SHROOM1: variants seen among roughly 807,000 people sequenced by gnomAD.
SHROOM1 encodes the protein shroom family member 1.
A neutral mutation model predicts 64.2 loss-of-function variants in SHROOM1; 53 were observed. That is an observed-to-expected ratio of 0.83 (90% CI 0.66 to 1.04). The LOEUF (loss-of-function observed/expected upper bound fraction) is 1.04, where lower values mean the gene tolerates loss of function less well. SHROOM1 is among the 50% of genes least tolerant of loss of function. The pLI is 0.00. For synonymous variants in SHROOM1, 490 were observed against 518.9 expected, an observed-to-expected ratio of 0.94 and a Z score of 0.76; for missense variants, 1,179 against 1,163.2, an observed-to-expected ratio of 1.01 and a Z score of -0.20.
chr5:132,827,365 C>T (rs546419041), intron 2 of SHROOM1, 96 bp downstream of exon 2: 1 of 152,478 alleles, frequency 6.6e-6, no homozygotes, highest in Non-Finnish European at 1.5e-5. Context: ...GCCTGTAATC[C>T]CAGCACTTTG....
At position 132,823,174 on chromosome 5, in the gene SHROOM1, C is replaced by T; in HGVS notation, c.2227-46G>A. 6.5e-7 allele frequency: 1 copy of T among 1,544,682 alleles called. No homozygotes were observed. The highest frequency in any genetic ancestry group is 8.7e-7 in the Non-Finnish European group (1 of 1,154,660). On this transcript the variant is annotated intron_variant, in intron 9 of 9. Coordinates refer to ENST00000378679, the MANE Select transcript of SHROOM1 (RefSeq NM_001172700.2). This position sits in a 1 kb window ranked among gnomAD's most constrained non-coding sequence, Gnocchi z 4.6. ...GCCGTGAGCCGGGTGAGGGCGCCGCCGCTCCCGGAATGGTTCCAGCCGGAG... is the reference window on the plus strand; with the variant it reads ...GCCGTGAGCCGGGTGAGGGCGCCGCTGCTCCCGGAATGGTTCCAGCCGGAG...
intron 1 of SHROOM1, among the ~76,000 whole-genome samples, chr5:132,828,976 T>C (rs1352541377): frequency 6.6e-6 from 1 of 152,218 alleles, no homozygotes; most frequent in African/African-American, 2.4e-5. Context: ...CCAGCCCCTG[T>C]GGCTGGGGGT....
Position 132,825,427 on chromosome 5 carries a change from C to T in SHROOM1, c.714G>A (p.Pro238=), listed in dbSNP as rs758837191. ...KLDRVGRGGG[P]ARECLGEACS... Reference sequence around the variant, plus strand: ...AGGCCTCACCCAGGCATTCCCGCGCCGGCCCACCGCCCCGACCCACACGAT... The same window carrying T: ...AGGCCTCACCCAGGCATTCCCGCGCTGGCCCACCGCCCCGACCCACACGAT... Residue 238 remains proline, a synonymous_variant, in exon 4 of 10, where the codon CCG becomes CCA. Coordinates refer to ENST00000378679, the MANE Select transcript of SHROOM1 (RefSeq NM_001172700.2). This position sits in a 1 kb window ranked among gnomAD's most constrained non-coding sequence, Gnocchi z 5.1. 16 of 1,592,114 alleles carry T rather than the reference C, an allele frequency of 1.0e-5. No homozygotes were observed. The highest frequency in any genetic ancestry group is 9.0e-5 in the East Asian group (4 of 44,558).
chr5:132,824,143 A>C lies in SHROOM1; in HGVS notation c.1518T>G (p.Asp506Glu). ...TATCATTGCCTGAAAGTCCCAAGGC[A>C]TCAGCTGGGACAGGTTTGAGGAGGT... ...ESDLLKPVPA[D>E]ALGLSGNDTP... The change falls in exon 7 of 10, where the codon GAT (aspartate) becomes GAG (glutamate). Residue 506 changes from aspartate to glutamate, a missense_variant. Asp to Glu is a conservative substitution (Grantham distance 45). Coordinates refer to ENST00000378679, the MANE Select transcript of SHROOM1 (RefSeq NM_001172700.2). 1 of 1,614,212 alleles carries C rather than the reference A, an allele frequency of 6.2e-7. No homozygotes were observed. The highest frequency in any genetic ancestry group is 8.5e-7 in the Non-Finnish European group (1 of 1,180,036).
Position 132,823,269 on chromosome 5 carries a change from T to A in SHROOM1, c.2207A>T (p.Asp736Val). 3.1e-6 allele frequency: 5 copies of A among 1,598,806 alleles called. No homozygotes were observed. Among genetic ancestry groups the A allele is most frequent in the Non-Finnish European group, 4.2e-6 (5 of 1,178,294 alleles). The change falls in exon 9 of 10, where the codon GAC becomes GTC. Residue 736 changes from aspartate to valine, a missense_variant. Asp to Val is a radical substitution (Grantham distance 152). Coordinates refer to ENST00000378679, the MANE Select transcript of SHROOM1 (RefSeq NM_001172700.2). The surrounding 1 kb of genome is among the most constrained non-coding windows in gnomAD (Gnocchi z 4.6). ...TTTTACCTGCTCATCAGGGTCGCTG[T>A]CTGAGGCCGCCCGGGCCAGGGCGCG... Reference protein sequence around the residue: ...VRRALARAASDSDPDEQASLL... With the variant: ...VRRALARAASVSDPDEQASLL...
chr5:132,825,928 G>T lies in SHROOM1; in HGVS notation c.213C>A (p.Gly71=), dbSNP rs1007067373. The T allele has an allele frequency of 8.0e-6, 11 of 1,380,880 alleles. No individual in the cohort carries two copies. Among genetic ancestry groups the T allele is most frequent in the Non-Finnish European group, 9.4e-6 (10 of 1,060,394 alleles). The allele number at this position is 1,380,880 out of a possible 1,614,324, so 85.5% of individuals were successfully genotyped here. Residue 71 remains glycine, a synonymous_variant, in exon 4 of 10, where the codon GGC becomes GGA. Coordinates refer to ENST00000378679, the MANE Select transcript of SHROOM1 (RefSeq NM_001172700.2). The surrounding 1 kb of genome is among the most constrained non-coding windows in gnomAD (Gnocchi z 5.1). ...DYVRVVWGGP[G]PAPPDAALCT... The stretch of plus-strand genomic sequence containing the variant: ...AAAGGGCAGCGTCGGGCGGGGCGGG[G>T]CCCGGGCCGCCCCAAACCACACGCA...
Position 132,824,807 on chromosome 5 carries a change from T to C in SHROOM1, c.1049A>G (p.Lys350Arg), listed in dbSNP as rs1159039050. The C allele has an allele frequency of 8.1e-6, 13 of 1,613,910 alleles. No homozygotes were observed. Among genetic ancestry groups the C allele is most frequent in the Non-Finnish European group, 1.1e-5 (13 of 1,180,022 alleles). ...QTKLSRFLPQ[K>R]EAAVMYPAEL... is the part of the protein sequence containing the mutation. The stretch of plus-strand genomic sequence containing the variant: ...TGCAGGATACATCACCGCAGCCTCT[T>C]TCTGAGGCAAGAACCTGGAGGCAGG... Residue 350 changes from lysine (K) to arginine (R), a missense_variant, in exon 6 of 10, where the codon AAA (lysine) becomes AGA (arginine). Physicochemically the swap from Lys to Arg is conservative, Grantham distance 26. Coordinates refer to ENST00000378679, the MANE Select transcript of SHROOM1 (RefSeq NM_001172700.2).
chr5:132,828,324 A>G (rs936222379), intron 1 of SHROOM1, among the ~76,000 whole-genome samples: 2 of 152,158 alleles, frequency 1.3e-5, no homozygotes, highest in African/African-American at 2.4e-5. Flanking sequence ...GAACATCTTG[A>G]TGTCACCCAC....
At chr5:132,827,424 G>A (rs952812895) in intron 2 of SHROOM1, 37 bp downstream of exon 2, 2 of 152,272 alleles carry the variant, frequency 1.3e-5, no homozygotes, top group Non-Finnish European at 2.9e-5. Flanking sequence ...AGAGCATCCT[G>A]GCCAACATCG....
At position 132,830,123 on chromosome 5, in the gene SHROOM1, G is replaced by T; in HGVS notation, c.-501+471C>A. 1 of 985,352 alleles carries T rather than the reference G, an allele frequency of 1.0e-6. No individual in the cohort carries two copies. The highest frequency in any genetic ancestry group is 1.2e-6 in the Non-Finnish European group (1 of 829,900). 61.0% of individuals were successfully genotyped at this position (985,352 alleles called of 1,614,324 possible). ...GCGGCAGAGACACGCGGAGCGGCTC[G>T]ACAGCAGATGGCCGCAGCCCCGCGC... On this transcript the variant is annotated intron_variant, in intron 1 of 9. Transcript: ENST00000378679. This position sits in a 1 kb window ranked among gnomAD's most constrained non-coding sequence, Gnocchi z 5.9.
At position 132,823,732 on chromosome 5, in the gene SHROOM1, G is replaced by T; in HGVS notation, c.1844C>A (p.Pro615Gln). 2 of 1,605,516 alleles carry T rather than the reference G, an allele frequency of 1.2e-6. No individual in the cohort carries two copies. The change falls in exon 8 of 10, where the codon CCG becomes CAG. Residue 615 changes from proline to glutamine, a missense_variant. Physicochemically the swap from Pro to Gln is moderately conservative, Grantham distance 76. Transcript: ENST00000378679. The surrounding 1 kb of genome is among the most constrained non-coding windows in gnomAD (Gnocchi z 4.6). ...SYQFSFTQLLPAPREETRLEN... is the reference protein window; with the variant it reads ...SYQFSFTQLLQAPREETRLEN... Reference sequence around the variant, plus strand: ...AAGCCTTGTCTCCTCCCGAGGAGCCGGCAGGAGCTGGGTGAAGCTGAACTG... The same window carrying T: ...AAGCCTTGTCTCCTCCCGAGGAGCCTGCAGGAGCTGGGTGAAGCTGAACTG...
chr5:132,828,464 C>G (rs1215277690), intron 1 of SHROOM1, among the ~76,000 whole-genome samples: 1 of 152,058 alleles, frequency 6.6e-6, no homozygotes, highest in Non-Finnish European at 1.5e-5. Context: ...GTAGCAGCTC[C>G]TGGGAGGACA....
chr5:132,823,989 C>A lies in SHROOM1; in HGVS notation c.1672G>T (p.Asp558Tyr), dbSNP rs774835802. 7.5e-6 allele frequency: 12 copies of A among 1,605,426 alleles called. No individual in the cohort carries two copies. The highest frequency in any genetic ancestry group is 8.5e-6 in the Non-Finnish European group (10 of 1,175,708). Residue 558 changes from aspartate to tyrosine, a missense_variant, in exon 7 of 10, where the codon GAC becomes TAC. Asp to Tyr is a radical substitution (Grantham distance 160, BLOSUM62 -3). Coordinates refer to ENST00000378679, the MANE Select transcript of SHROOM1 (RefSeq NM_001172700.2). The surrounding 1 kb of genome is among the most constrained non-coding windows in gnomAD (Gnocchi z 4.6). ...ELARLDPSLC[D>Y]PLASQPSPEP... The stretch of plus-strand genomic sequence containing the variant: ...GGGCTGGGCTGGGAAGCAAGAGGGT[C>A]ACATAGAGAGGGATCTAATCTGGCC...
intron 1 of SHROOM1, among the ~76,000 whole-genome samples, chr5:132,828,657 A>G (rs1287160874): frequency 6.6e-6 from 1 of 152,250 alleles, no homozygotes; most frequent in Admixed American, 6.5e-5. Context: ...TTGAAAATCT[A>G]TGAAAATCTA....
chr5:132,823,160 G>A lies in SHROOM1; in HGVS notation c.2227-32C>T, dbSNP rs772690495. ...CCGCAGGAAGAGGCGCCGTGAGCCG[G>A]GTGAGGGCGCCGCCGCTCCCGGAAT... On this transcript the variant is annotated intron_variant, in intron 9 of 9. Transcript: ENST00000378679. The surrounding 1 kb of genome is among the most constrained non-coding windows in gnomAD (Gnocchi z 4.6). The A allele has an allele frequency of 5.2e-6, 8 of 1,544,166 alleles. No individual in the cohort carries two copies. The highest frequency in any genetic ancestry group is 6.9e-6 in the Non-Finnish European group (8 of 1,154,310).
chr5:132,824,096 G>C lies in SHROOM1; in HGVS notation c.1565C>G (p.Thr522Ser). 1 of 1,614,036 alleles carries C rather than the reference G, an allele frequency of 6.2e-7. No individual in the cohort carries two copies. The highest frequency in any genetic ancestry group is 1.1e-5 in the South Asian group (1 of 91,050). The change falls in exon 7 of 10, where the codon ACT (threonine) becomes AGT (serine). Residue 522 changes from threonine to serine, a missense_variant. By Grantham distance (58) the Thr-to-Ser change is moderately conservative (BLOSUM62 1). Coordinates refer to ENST00000378679, the MANE Select transcript of SHROOM1 (RefSeq NM_001172700.2). ...GNDTPGPSHN[T>S]ALARGTGQPG... ...CTGGCCAGTGCCCCTGGCTAGGGCA[G>C]TATTGTGAGAGGGACCTGGAGTATC...
Position 132,830,004 on chromosome 5 carries a change from C to T in SHROOM1, c.-501+590G>A. On this transcript the variant is annotated intron_variant, in intron 1 of 9. Coordinates refer to ENST00000378679, the MANE Select transcript of SHROOM1 (RefSeq NM_001172700.2). This position sits in a 1 kb window ranked among gnomAD's most constrained non-coding sequence, Gnocchi z 5.9. ...GCTGGCGACACCCGGGGAGAGGCGG[C>T]CGCGGGCGTGGACAGACCCGGTTAC... 1 of 985,412 alleles carries T rather than the reference C, an allele frequency of 1.0e-6. No homozygotes were observed. 61.0% of individuals were successfully genotyped at this position (985,412 alleles called of 1,614,324 possible).
chr5:132,822,182 GCA>G lies in SHROOM1; in HGVS notation c.*612_*613del, dbSNP rs1409831728. 1.3e-5 allele frequency: 2 copies of G among 152,044 alleles called. No individual in the cohort carries two copies. Among genetic ancestry groups the G allele is most frequent in the Non-Finnish European group, 2.9e-5 (2 of 68,032 alleles). The allele number at this position is 152,044 out of a possible 1,614,324, so 9.4% of individuals were successfully genotyped here. On this transcript the variant is annotated 3_prime_UTR_variant, in exon 10 of 10. Coordinates refer to ENST00000378679, the MANE Select transcript of SHROOM1 (RefSeq NM_001172700.2). ...TATTGAAGAAAAAATAGGCTGCTTT[GCA>G]CCTTAAGTGCTCCTCTGTCTTCTCT... is the stretch of plus-strand genomic sequence containing the variant.
In SHROOM1 at chr5:132,826,451, C is replaced by G. The variant is rs1459350861; in HGVS notation, c.-217G>C. On this transcript the variant is annotated 5_prime_UTR_variant, in exon 3 of 10. Coordinates refer to ENST00000378679, the MANE Select transcript of SHROOM1 (RefSeq NM_001172700.2). The stretch of plus-strand genomic sequence containing the variant: ...GACCAGCTCATTCCCTGCCAGGCTC[C>G]CCTTGCCCACACAAGCAGCCTTTAC... 3 of 369,238 alleles carry G rather than the reference C, an allele frequency of 8.1e-6. No individual in the cohort carries two copies. Among genetic ancestry groups the G allele is most frequent in the Non-Finnish European group, 1.4e-5 (3 of 215,932 alleles). 22.9% of individuals were successfully genotyped at this position (369,238 alleles called of 1,614,324 possible).
Sources: allele counts gnomAD v4.1 joint callset (sites outside exome capture counted in the v4.1 genomes callset), GRCh38; gene constraint gnomAD v4.1.1; non-coding constraint Gnocchi (gnomAD v3.1); transcripts MANE v1.5; gene names NCBI Gene and HGNC (gene_info 2026-07-23, HGNC 2026-07-21).